PTPRN2: variants seen among roughly 807,000 people sequenced by gnomAD.
The protein encoded by PTPRN2 is receptor-type tyrosine-protein phosphatase N2.
PTPRN2 carries 74 observed loss-of-function variants against 118.8 expected under a neutral mutation model. The observed-to-expected ratio is 0.62, with a 90% confidence interval of 0.52 to 0.76. The LOEUF is 0.76. Ranked by LOEUF, PTPRN2 falls within the 30% of genes least tolerant of loss-of-function variation. The pLI is 0.00. For missense variants in PTPRN2, 1,481 were observed against 1,394.4 expected (o/e 1.06, Z -0.99); for synonymous variants, 641 against 608.0 (o/e 1.05, Z -0.80).
intron 13 of PTPRN2, among the ~76,000 whole-genome samples, chr7:157,668,637 C>CTGAA (rs1796256165): frequency 6.6e-6 from 1 of 152,164 alleles, no homozygotes; most frequent in African/African-American, 2.4e-5. Context: ...TTGGGGAGGG[C>CTGAA]CCTGGCCTTC....
chr7:157,672,999 C>T (rs1198903461), intron 13 of PTPRN2, among the ~76,000 whole-genome samples: 2 of 152,192 alleles, frequency 1.3e-5, no homozygotes, highest in African/African-American at 4.8e-5. Flanking sequence ...CTTGTTCACA[C>T]CTGCCACCTT....
In PTPRN2 at chr7:157,840,626, G is replaced by A. The variant is rs539236360; in HGVS notation, c.1788+58047C>T. Among the ~76,000 whole-genome samples, 305 of 152,318 alleles carry A rather than the reference G, an allele frequency of 2.0e-3. 1 individual carries two copies. The highest frequency in any genetic ancestry group is 6.7e-3 in the African/African-American group (279 of 41,568). On this transcript the variant is annotated intron_variant, in intron 12 of 22. Transcript: ENST00000389418. ...CACAGAGCAGGCCCCGTGTTGGGGG[G>A]AAGTTGGAATTTAGGGAGTGGTGCT...
chr7:158,306,398 C>A (rs1381774420), intron 3 of PTPRN2, among the ~76,000 whole-genome samples: 1 of 152,146 alleles, frequency 6.6e-6, no homozygotes, highest in Non-Finnish European at 1.5e-5. Context: ...AGGCTCTGGG[C>A]CAGCATGAAG....
chr7:157,705,396 C>T (rs1798274142), intron 12 of PTPRN2, among the ~76,000 whole-genome samples: 1 of 152,218 alleles, frequency 6.6e-6, no homozygotes, highest in African/African-American at 2.4e-5. Context: ...GGTCACACAG[C>T]AGGAGGCGAG....
In PTPRN2 at chr7:158,140,232, G is replaced by A. The variant is rs114057722; in HGVS notation, c.911-1717C>T. ...GAGGGAGCTGAAGCCTCCTCACCGC[G>A]TCCAGGAAGTGGCACAGTGACAACT... On this transcript the variant is annotated intron_variant, in intron 6 of 22. Transcript: ENST00000389418. 6.2e-3 allele frequency among the ~76,000 whole-genome samples: 949 copies of A among 152,314 alleles called. 8 individuals are homozygous for A. Among genetic ancestry groups the A allele is most frequent in the African/African-American group, 0.022 (900 of 41,568 alleles).
intron 2 of PTPRN2, among the ~76,000 whole-genome samples, chr7:158,474,778 A>C (rs1427954518): frequency 6.6e-6 from 1 of 151,276 alleles, no homozygotes; most frequent in Non-Finnish European, 1.5e-5. Context: ...CTGACCACTG[A>C]GGGAGTCGGG....
At chr7:158,557,799 G>GGTGACTT (rs1827144563) in intron 1 of PTPRN2, among the ~76,000 whole-genome samples, 1 of 152,118 alleles carries the variant, frequency 6.6e-6, no homozygotes, top group African/African-American at 2.4e-5. Flanking sequence ...AGGAAGGAAG[G>GGTGACTT]GTGACTTGGG....
intron 11 of PTPRN2, among the ~76,000 whole-genome samples, chr7:157,999,123 C>G (rs558538052): frequency 2.0e-5 from 3 of 152,006 alleles, no homozygotes; most frequent in Admixed American, 2.0e-4. Flanking sequence ...AAACGTGAGC[C>G]TCATGCCAGA....
At chr7:157,919,849 G>C (rs946461876) in intron 11 of PTPRN2, among the ~76,000 whole-genome samples, 3 of 152,156 alleles carry the variant, frequency 2.0e-5, no homozygotes, top group African/African-American at 7.2e-5. Flanking sequence ...GTATGACGGA[G>C]CTGACAAATT....
At chr7:158,140,652 C>T (rs999111234) in intron 6 of PTPRN2, among the ~76,000 whole-genome samples, 1 of 152,226 alleles carries the variant, frequency 6.6e-6, no homozygotes, top group South Asian at 2.1e-4. Flanking sequence ...CTGCCCAGGG[C>T]AACCAGAGCC....
intron 12 of PTPRN2, among the ~76,000 whole-genome samples, chr7:157,796,925 G>T (rs946777453): frequency 6.6e-6 from 1 of 152,162 alleles, no homozygotes; most frequent in Admixed American, 6.5e-5. Context: ...TGGGGATTAC[G>T]GTTCGACAGG....
At chr7:158,288,940 A>G (rs1799934121) in intron 3 of PTPRN2, among the ~76,000 whole-genome samples, 1 of 152,154 alleles carries the variant, frequency 6.6e-6, no homozygotes, top group African/African-American at 2.4e-5. Flanking sequence ...CAGCTTTGCC[A>G]AGTACAGTAT....
chr7:158,232,505 T>C (rs760452688), intron 3 of PTPRN2, among the ~76,000 whole-genome samples: 2 of 152,114 alleles, frequency 1.3e-5, no homozygotes, highest in Non-Finnish European at 2.9e-5. Flanking sequence ...CACTGATGAA[T>C]TCTACCAAAC....
At chr7:158,479,508 T>G (rs957145417) in intron 2 of PTPRN2, among the ~76,000 whole-genome samples, 1 of 152,224 alleles carries the variant, frequency 6.6e-6, no homozygotes, top group African/African-American at 2.4e-5. Flanking sequence ...TGCTGTGATC[T>G]GGGGGACACC....
chr7:157,770,128 A>G (rs978071654), intron 12 of PTPRN2, among the ~76,000 whole-genome samples: 3 of 152,130 alleles, frequency 2.0e-5, no homozygotes, highest in Non-Finnish European at 4.4e-5. Context: ...CTTCTAGAAC[A>G]CTGCTCTGCA....
chr7:158,316,918 T>C lies in PTPRN2; in HGVS notation c.178A>G (p.Arg60Gly). 1 of 1,611,156 alleles carries C rather than the reference T, an allele frequency of 6.2e-7. No individual in the cohort carries two copies. Among genetic ancestry groups the C allele is most frequent in the Non-Finnish European group, 8.5e-7 (1 of 1,178,756 alleles). The change falls in exon 3 of 23, where the codon AGG (arginine) becomes GGG (glycine). Residue 60 changes from arginine to glycine, a missense_variant. Arg to Gly is a moderately radical substitution (Grantham distance 125). Coordinates refer to ENST00000389418, the MANE Select transcript of PTPRN2 (RefSeq NM_002847.5). ...TCCATTGCCGGAACCTTCTGGCACC[T>C]TCCAAACACTCCATCTGTGAGAAGG... ...EACVNDGVFG[R>G]CQKVPAMDFY...
At chr7:157,844,929 C>A (rs1022730714) in intron 12 of PTPRN2, among the ~76,000 whole-genome samples, 1 of 152,154 alleles carries the variant, frequency 6.6e-6, no homozygotes, top group Non-Finnish European at 1.5e-5. Flanking sequence ...ATTTCAGGGG[C>A]GTTTTTCTTA....
At chr7:157,657,253 CAT>C (rs1431790988) in intron 13 of PTPRN2, among the ~76,000 whole-genome samples, 1 of 102,918 alleles carries the variant, frequency 9.7e-6, no homozygotes, top group African/African-American at 4.1e-5. Context: ...ACACATCACA[CAT>C]ATACACACAC....
chr7:158,155,697 C>T (rs1407496398), intron 6 of PTPRN2, among the ~76,000 whole-genome samples: 4 of 149,574 alleles, frequency 2.7e-5, no homozygotes, highest in African/African-American at 1.0e-4. Context: ...ACCATCAGCA[C>T]TATCATCACC....
Sources: gnomAD v4.1 joint callset for allele counts (sites outside exome capture counted in the v4.1 genomes callset) on GRCh38, gnomAD v4.1.1 for gene constraint, MANE v1.5 for transcripts, NCBI Gene and HGNC (gene_info 2026-07-23, HGNC 2026-07-21) for gene names.